The following SF3A1 variants were observed in gnomAD, a reference collection of about 807,000 sequenced individuals.
SF3A1 encodes the protein splicing factor 3a subunit 1.
Under a neutral mutation model 89.9 loss-of-function variants are expected in SF3A1, and 13 were observed. That is an observed-to-expected ratio of 0.14 (90% CI 0.09 to 0.23). SF3A1 has a LOEUF of 0.23. Ranked by LOEUF, SF3A1 falls within the 10% of genes least tolerant of loss-of-function variation. The pLI is 1.00. For synonymous variants in SF3A1, 405 were observed against 374.4 expected, an observed-to-expected ratio of 1.08 and a Z score of -0.94; for missense variants, 604 against 1,022.1, an observed-to-expected ratio of 0.59 and a Z score of 5.58.
At chr22:30,355,415 A>T (rs1601703884) in intron 1 of SF3A1, among the ~76,000 whole-genome samples, 1 of 152,186 alleles carries the variant, frequency 6.6e-6, no homozygotes, top group Non-Finnish European at 1.5e-5. Flanking sequence ...CTGGCTGAAG[A>T]GCCTGCCTAC....
At chr22:30,342,114 A>G in intron 6 of SF3A1, 86 bp downstream of exon 6, 3 of 1,477,178 alleles carry the variant, frequency 2.0e-6, no homozygotes, top group South Asian at 1.1e-5. Flanking sequence ...GAGAGATTCT[A>G]CTGCTCTCTG....
At chr22:30,356,537 G>A in intron 1 of SF3A1, 193 bp downstream of exon 1, 1 of 422,310 alleles carries the variant, frequency 2.4e-6, no homozygotes, top group East Asian at 3.6e-5. Context: ...CTGCTCCGCG[G>A]ACCACTTAGA....
At chr22:30,346,584 T>G in intron 2 of SF3A1, 65 bp from the exon 3 acceptor site, 1 of 1,556,278 alleles carries the variant, frequency 6.4e-7, no homozygotes, top group Non-Finnish European at 8.8e-7. Flanking sequence ...TCTAGAACAC[T>G]GCCCATTGGA....
In SF3A1 at chr22:30,333,824, T is replaced by A. The variant is rs937932912; in HGVS notation, c.*770A>T. The stretch of plus-strand genomic sequence containing the variant: ...AAACGTCATCATATCCACACACCTA[T>A]GAGGCACCTGCCCAGGACCACAGAG... On this transcript the variant is annotated 3_prime_UTR_variant, in exon 16 of 16. Transcript: ENST00000215793. 1 of 152,230 alleles carries A rather than the reference T, an allele frequency of 6.6e-6. No individual in the cohort carries two copies. The highest frequency in any genetic ancestry group is 2.4e-5 in the African/African-American group (1 of 41,462). 9.4% of individuals were successfully genotyped at this position (152,230 alleles called of 1,614,324 possible).
At chr22:30,344,799 G>C in intron 4 of SF3A1, 134 bp downstream of exon 4, 1 of 994,596 alleles carries the variant, frequency 1.0e-6, no homozygotes, top group Non-Finnish European at 1.5e-6. Context: ...CATTAAACTG[G>C]GATTCAAAAC....
chr22:30,337,670 A>T lies in SF3A1; in HGVS notation c.1951+20T>A. 2.1e-6 allele frequency: 2 copies of T among 944,192 alleles called. No individual in the cohort carries two copies. The highest frequency in any genetic ancestry group is 1.9e-5 in the African/African-American group (1 of 52,386). 58.5% of individuals were successfully genotyped at this position (944,192 alleles called of 1,614,324 possible). ...GGTCCCTGAACTAATGGCCTGGAAA[A>T]TGATGCAAGAGATACTGACCTGTTG... On this transcript the variant is annotated intron_variant, in intron 12 of 15. Coordinates refer to ENST00000215793, the MANE Select transcript of SF3A1 (RefSeq NM_005877.6).
intron 2 of SF3A1, among the ~76,000 whole-genome samples, chr22:30,351,238 G>A (rs1295579168): frequency 2.0e-5 from 3 of 152,004 alleles, no homozygotes; most frequent in Non-Finnish European, 2.9e-5. Flanking sequence ...GGCAGAGGTT[G>A]CAGTGAGTTG....
At chr22:30,339,903 G>A (rs1169745517) in intron 9 of SF3A1, among the ~76,000 whole-genome samples, 1 of 152,204 alleles carries the variant, frequency 6.6e-6, no homozygotes, top group Non-Finnish European at 1.5e-5. Flanking sequence ...AAGAGCTCAT[G>A]GTACTCCAGC....
At chr22:30,339,538 C>G (rs563181595) in intron 9 of SF3A1, among the ~76,000 whole-genome samples, 1 of 152,148 alleles carries the variant, frequency 6.6e-6, no homozygotes, top group Non-Finnish European at 1.5e-5. Flanking sequence ...AGGATCACAT[C>G]TGAGGTCAGG....
chr22:30,338,658 T>C, intron 11 of SF3A1, 131 bp downstream of exon 11: 1 of 1,136,106 alleles, frequency 8.8e-7, no homozygotes, highest in South Asian at 1.4e-5. Context: ...TTTAAAGGGC[T>C]CTTTCTCTTT....
At chr22:30,340,846 G>A (rs56015505) in intron 7 of SF3A1, 34 bp from the exon 8 acceptor site, 72,268 of 1,240,344 alleles carry the variant, frequency 0.058, 2,524 homozygotes, top group Non-Finnish European at 0.071. Flanking sequence ...ACTCAGAGAG[G>A]GGCTGAGGCC....
intron 13 of SF3A1, among the ~76,000 whole-genome samples, chr22:30,336,709 G>A (rs575331103): frequency 1.2e-4 from 19 of 152,246 alleles, no homozygotes; most frequent in Admixed American, 7.2e-4. Context: ...GGTGTCTAGG[G>A]TCCCTCTCAC....
intron 5 of SF3A1, 83 bp from the exon 6 acceptor site, chr22:30,342,433 A>C (rs899433446): frequency 1.4e-6 from 2 of 1,442,694 alleles, no homozygotes; most frequent in African/African-American, 2.8e-5. Flanking sequence ...GCTTTCATCA[A>C]AGTCAGCGCC....
chr22:30,337,469 T>G lies in SF3A1; in HGVS notation c.1951+221A>C, dbSNP rs573646150. On this transcript the variant is annotated intron_variant, in intron 12 of 15. Transcript: ENST00000215793. Reference sequence around the variant, plus strand: ...GCCTGTTGGGGACCTGATCCCTGAATGCACAGACACTGGCTACACCATTTC... The same window carrying G: ...GCCTGTTGGGGACCTGATCCCTGAAGGCACAGACACTGGCTACACCATTTC... 3.3e-5 allele frequency among the ~76,000 whole-genome samples: 5 copies of G among 152,256 alleles called. No homozygotes were observed. The South Asian group carries it at 1.0e-3, about 32-fold the overall frequency.
At chr22:30,349,335 C>G (rs1931515215) in intron 2 of SF3A1, among the ~76,000 whole-genome samples, 1 of 152,240 alleles carries the variant, frequency 6.6e-6, no homozygotes, top group Non-Finnish European at 1.5e-5. Flanking sequence ...GGTGGGAGTG[C>G]AGTGGCACAA....
intron 13 of SF3A1, among the ~76,000 whole-genome samples, 170 bp downstream of exon 13, chr22:30,336,856 T>C (rs1004156977): frequency 2.0e-5 from 3 of 152,206 alleles, no homozygotes; most frequent in African/African-American, 7.2e-5. Context: ...CCTCCAATTG[T>C]TGGCCCCACA....
Position 30,333,509 on chromosome 22 carries a change from T to C in SF3A1, c.*1085A>G, listed in dbSNP as rs891129132. ...ACCCACAGCATTGCCTATCTCCCTG[T>C]GATAGCTTGATTCTAAAGATAACAG... On this transcript the variant is annotated 3_prime_UTR_variant, in exon 16 of 16. Transcript: ENST00000215793. 4.6e-5 allele frequency: 7 copies of C among 152,242 alleles called. No individual in the cohort carries two copies. Among genetic ancestry groups the C allele is most frequent in the Non-Finnish European group, 1.0e-4 (7 of 68,036 alleles). The allele number at this position is 152,242 out of a possible 1,614,324, so 9.4% of individuals were successfully genotyped here.
intron 1 of SF3A1, among the ~76,000 whole-genome samples, chr22:30,353,738 A>T (rs1315646368): frequency 6.6e-6 from 1 of 152,144 alleles, no homozygotes; most frequent in African/African-American, 2.4e-5. Flanking sequence ...GGCTCTTAAG[A>T]CACGAGTCTG....
chr22:30,340,892 G>T, intron 7 of SF3A1, 80 bp from the exon 8 acceptor site: 1 of 852,542 alleles, frequency 1.2e-6, no homozygotes, highest in Non-Finnish European at 1.9e-6. Context: ...GTCTCTGGGT[G>T]GCAAGGAGCC....
Sources: gnomAD v4.1 joint callset for allele counts (sites outside exome capture counted in the v4.1 genomes callset) on GRCh38, gnomAD v4.1.1 for gene constraint, MANE v1.5 for transcripts, NCBI Gene and HGNC (gene_info 2026-07-23, HGNC 2026-07-21) for gene names.